DNAH7: variants seen among roughly 807,000 people sequenced by gnomAD.
DNAH7 encodes axonemal beta dynein heavy chain 7.
A neutral mutation model predicts 444.6 loss-of-function variants in DNAH7; 397 were observed. The ratio of observed to expected loss-of-function variants is 0.89; its 90% CI spans 0.82 to 0.97. The LOEUF is 0.97. Ranked by LOEUF, DNAH7 falls within the 50% of genes least tolerant of loss-of-function variation. The pLI, the probability that DNAH7 is intolerant of heterozygous loss-of-function variation, is 0.00. For synonymous variants in DNAH7, 1,636 were observed against 1,624.4 expected, an observed-to-expected ratio of 1.01 and a Z score of -0.17; for missense variants, 4,902 against 4,800.8, an observed-to-expected ratio of 1.02 and a Z score of -0.62.
intron 60 of DNAH7, 86 bp from the exon 61 acceptor site, chr2:195,771,976 T>A: frequency 1.7e-6 from 2 of 1,143,512 alleles, no homozygotes; most frequent in Non-Finnish European, 2.6e-6. Flanking sequence ...TAAATCTTTA[T>A]AAGAAAGAAC....
chr2:195,931,931 TTAAAG>T (rs1383678928), intron 21 of DNAH7, among the ~76,000 whole-genome samples: 10 of 152,320 alleles, frequency 6.6e-5, no homozygotes, highest in African/African-American at 2.4e-4. Context: ...CATATGAACT[TTAAAG>T]TAGTTTTTTC....
intron 41 of DNAH7, among the ~76,000 whole-genome samples, chr2:195,862,387 A>T (rs1048871383): frequency 6.6e-6 from 1 of 152,052 alleles, no homozygotes. Context: ...TCAAGCCTCC[A>T]CTATCATCTG....
chr2:196,043,478 G>A (rs1377082536), intron 5 of DNAH7, among the ~76,000 whole-genome samples: 1 of 152,058 alleles, frequency 6.6e-6, no homozygotes, highest in Non-Finnish European at 1.5e-5. Context: ...GATTACATCA[G>A]AAAAACTTCT....
intron 42 of DNAH7, among the ~76,000 whole-genome samples, chr2:195,860,684 A>G (rs1314562563): frequency 1.3e-5 from 2 of 152,194 alleles, no homozygotes; most frequent in Non-Finnish European, 2.9e-5. Flanking sequence ...GGTTAGCCAT[A>G]GGAAGATTTA....
At chr2:195,934,888 G>T in intron 20 of DNAH7, 99 bp from the exon 21 acceptor site, 1 of 1,325,654 alleles carries the variant, frequency 7.5e-7, no homozygotes, top group Non-Finnish European at 1.0e-6. Flanking sequence ...AGGTGCTGCT[G>T]GGAATGAAAT....
At chr2:195,743,842 A>C (rs2105882868) in intron 63 of DNAH7, among the ~76,000 whole-genome samples, 1 of 152,374 alleles carries the variant, frequency 6.6e-6, no homozygotes, top group Middle Eastern at 3.4e-3. Context: ...TTTTGCAGAA[A>C]TGTATCAGCT....
intron 5 of DNAH7, among the ~76,000 whole-genome samples, chr2:196,030,506 G>T (rs900870879): frequency 6.6e-6 from 1 of 152,134 alleles, no homozygotes; most frequent in Non-Finnish European, 1.5e-5. Flanking sequence ...ACTCATTTCA[G>T]CATTAACCCA....
intron 40 of DNAH7, among the ~76,000 whole-genome samples, chr2:195,865,682 G>C (rs1247233390): frequency 6.6e-6 from 1 of 152,098 alleles, no homozygotes; most frequent in Non-Finnish European, 1.5e-5. Flanking sequence ...TGTCCCAGGG[G>C]TACAGTCTAT....
intron 8 of DNAH7, among the ~76,000 whole-genome samples, chr2:196,019,776 A>G (rs909193541): frequency 3.3e-5 from 5 of 152,192 alleles, no homozygotes; most frequent in African/African-American, 1.2e-4. Flanking sequence ...GTTAATATGT[A>G]AACATCATTT....
At chr2:195,868,020 C>A (rs1700450786) in intron 40 of DNAH7, among the ~76,000 whole-genome samples, 1 of 150,848 alleles carries the variant, frequency 6.6e-6, no homozygotes, top group South Asian at 2.1e-4. Context: ...TTCTATATTA[C>A]ATTACTGCCA....
At position 195,900,402 on chromosome 2, in the gene DNAH7, T is replaced by C. The variant is rs1364101292; in HGVS notation, c.4428A>G (p.Pro1476=). ...ACGTAGCCACAATTTTTACAGACAG[T>C]GGTCGAGCAGTGACAAACCCACAGG... The part of the protein sequence containing the change: ...LYSCGFVTAR[P]LSVKIVATYR... The change falls in exon 28 of 65, where the codon CCA becomes CCG. Residue 1476 remains proline (P), a synonymous_variant. Transcript: ENST00000312428. 5.6e-6 allele frequency: 9 copies of C among 1,613,900 alleles called. No individual in the cohort carries two copies. In the African/African-American group the frequency reaches 1.1e-4, roughly 19 times the overall value.
intron 49 of DNAH7, 145 bp downstream of exon 49, chr2:195,824,110 A>G (rs1197380571): frequency 5.9e-6 from 4 of 672,972 alleles, no homozygotes; most frequent in Non-Finnish European, 9.1e-6. Flanking sequence ...ACATTTGGAA[A>G]TTATTATAGC....
intron 29 of DNAH7, among the ~76,000 whole-genome samples, chr2:195,895,636 G>A (rs1455343496): frequency 6.6e-6 from 1 of 152,066 alleles, no homozygotes; most frequent in Non-Finnish European, 1.5e-5. Flanking sequence ...AAATAACCAA[G>A]ATAATTAACA....
chr2:195,942,032 GACAAA>G (rs1047733766), intron 19 of DNAH7, among the ~76,000 whole-genome samples: 4 of 151,920 alleles, frequency 2.6e-5, no homozygotes, highest in Non-Finnish European at 5.9e-5. Flanking sequence ...GACAACAGTG[GACAAA>G]ACAAAGATCC....
chr2:196,000,024 A>G (rs1693937127), intron 12 of DNAH7, among the ~76,000 whole-genome samples: 1 of 152,198 alleles, frequency 6.6e-6, no homozygotes, highest in Admixed American at 6.5e-5. Flanking sequence ...TAAAGGTACC[A>G]GCAATATTCT....
chr2:196,065,022 AT>A (rs1331446956), intron 1 of DNAH7, among the ~76,000 whole-genome samples: 1 of 152,110 alleles, frequency 6.6e-6, no homozygotes, highest in Non-Finnish European at 1.5e-5. Context: ...CCATTGGTTT[AT>A]TATCCATAAA....
intron 21 of DNAH7, among the ~76,000 whole-genome samples, chr2:195,933,401 C>A (rs557453352): frequency 9.3e-4 from 142 of 152,252 alleles, no homozygotes; most frequent in Non-Finnish European, 1.3e-3. Flanking sequence ...ATTACTGGGT[C>A]TATACCTAAA....
At chr2:195,999,054 A>G (rs373880644) in intron 12 of DNAH7, 28 of 710,678 alleles carry the variant, frequency 3.9e-5, no homozygotes, top group African/African-American at 2.6e-4. Context: ...AGGGGCTGCC[A>G]GGAAACAAAG....
Position 195,872,252 on chromosome 2 carries a change from C to A in DNAH7, c.6631G>T (p.Glu2211Ter), listed in dbSNP as rs1700754112. 6.2e-7 allele frequency: 1 copy of A among 1,606,100 alleles called. No homozygotes were observed. Among genetic ancestry groups the A allele is most frequent in the South Asian group, 1.1e-5 (1 of 89,408 alleles). The change falls in exon 40 of 65, where the codon GAG becomes TAG. Residue 2211 changes from glutamate (E) to a stop codon, truncating the protein, a stop_gained and splice_region_variant. Coordinates refer to ENST00000312428, the MANE Select transcript of DNAH7 (RefSeq NM_018897.3). LOFTEE classifies it high-confidence loss of function. ...TEVIKRLWVH[E>*]VLRVYYDRLL... The stretch of plus-strand genomic sequence containing the variant: ...ATTTCAATAACAGGAAAATTTACCT[C>A]ATGAACCCAAAGACGTTTAATCACT...
Sources: gnomAD v4.1 joint callset for allele counts (sites outside exome capture counted in the v4.1 genomes callset) on GRCh38, gnomAD v4.1.1 for gene constraint, MANE v1.5 for transcripts, NCBI Gene and HGNC (gene_info 2026-07-23, HGNC 2026-07-21) for gene names.